Variants in KDM4A observed in about 807,000 individuals in gnomAD.
The protein encoded by KDM4A is lysine-specific demethylase 4A.
KDM4A carries 23 observed loss-of-function variants against 127.1 expected under a neutral mutation model. The observed-to-expected ratio is 0.18, with a 90% CI of 0.13 to 0.26. KDM4A has a LOEUF of 0.26. Among genes scored for constraint, KDM4A ranks in the 10% least tolerant of loss-of-function variants. The pLI, the probability that KDM4A is intolerant of heterozygous loss-of-function variation, is 1.00. For synonymous variants in KDM4A, 443 were observed against 466.5 expected, an observed-to-expected ratio of 0.95 and a Z score of 0.65; for missense variants, 890 against 1,329.1, an observed-to-expected ratio of 0.67 and a Z score of 5.14.
intron 3 of KDM4A, 28 bp from the exon 4 acceptor site, chr1:43,660,270 T>TTA: frequency 6.3e-7 from 1 of 1,596,790 alleles, no homozygotes; most frequent in Non-Finnish European, 8.5e-7. Context: ...TGTAAGTGGT[T>TTA]TACATGTTTC....
intron 4 of KDM4A, 37 bp downstream of exon 4, chr1:43,660,449 G>C: frequency 6.4e-7 from 1 of 1,554,318 alleles, no homozygotes. Flanking sequence ...CAGTGTTTTT[G>C]TAATTTTGTA....
intron 1 of KDM4A, among the ~76,000 whole-genome samples, chr1:43,652,911 T>C (rs538854812): frequency 3.7e-4 from 57 of 152,150 alleles, no homozygotes; most frequent in African/African-American, 1.4e-3. Context: ...CTCAAACTTA[T>C]GACCTCAGGC....
At chr1:43,661,759 T>C (rs1557904948) in intron 4 of KDM4A, among the ~76,000 whole-genome samples, 1 of 151,578 alleles carries the variant, frequency 6.6e-6, no homozygotes, top group Non-Finnish European at 1.5e-5. Context: ...TCAGGCATAA[T>C]AATAATACAG....
At chr1:43,652,679 C>CTTTTTTTTTTTTTTTTTTTTTT (rs771216218) in intron 1 of KDM4A, among the ~76,000 whole-genome samples, 1 of 118,768 alleles carries the variant, frequency 8.4e-6, no homozygotes, top group African/African-American at 3.1e-5. Flanking sequence ...TTCTTTCTTT[C>CTTTTTTTTTTTTTTTTTTTTTT]TTTTTTTTTT....
chr1:43,687,185 T>C (rs769422676), intron 12 of KDM4A, among the ~76,000 whole-genome samples: 44 of 152,222 alleles, frequency 2.9e-4, no homozygotes, highest in Non-Finnish European at 2.4e-4. Context: ...TTTAATTGTC[T>C]GCGTTGGTGT....
At chr1:43,675,008 G>T (rs1660709254) in intron 11 of KDM4A, among the ~76,000 whole-genome samples, 1 of 152,206 alleles carries the variant, frequency 6.6e-6, no homozygotes, top group Non-Finnish European at 1.5e-5. Context: ...TGTGCTAGGG[G>T]AAGGGGTCTT....
rs527778630 is a variant in KDM4A at position 43,652,704 on chromosome 1, G to A, written c.-39-433G>A. 1.4e-4 allele frequency among the ~76,000 whole-genome samples: 19 copies of A among 136,568 alleles called. 1 individual carries two copies. The South Asian group carries it at 2.5e-3, about 18-fold the overall frequency. The allele number at this position is 136,568 out of a possible 152,430, so 89.6% of individuals were successfully genotyped here. Reference sequence around the variant, plus strand: ...CTTTTTTTTTTTTTTTTTTTGAGACGGAGTTTCGCTCTTGTTGCCCAGTCT... The same window carrying A: ...CTTTTTTTTTTTTTTTTTTTGAGACAGAGTTTCGCTCTTGTTGCCCAGTCT... On this transcript the variant is annotated intron_variant, in intron 1 of 21. Transcript: ENST00000372396.
intron 8 of KDM4A, 125 bp downstream of exon 8, chr1:43,667,216 T>C (rs1660518526): frequency 2.0e-6 from 2 of 1,013,902 alleles, no homozygotes; most frequent in Non-Finnish European, 3.0e-6. Context: ...CAGCTAGCAA[T>C]GTGTCAGAGT....
intron 5 of KDM4A, among the ~76,000 whole-genome samples, chr1:43,663,636 T>C (rs1660435650): frequency 6.7e-6 from 1 of 149,390 alleles, no homozygotes; most frequent in South Asian, 2.1e-4. Flanking sequence ...TTTTTTTTTC[T>C]ATTTTGAGAC....
chr1:43,667,600 T>G (rs1660528178), intron 8 of KDM4A, among the ~76,000 whole-genome samples, 172 bp from the exon 9 acceptor site: 1 of 152,212 alleles, frequency 6.6e-6, no homozygotes, highest in African/African-American at 2.4e-5. Flanking sequence ...CCTGCTTCCC[T>G]TCATGTTTGA....
intron 10 of KDM4A, among the ~76,000 whole-genome samples, chr1:43,670,561 T>TC (rs1330690083): frequency 1.4e-5 from 2 of 139,928 alleles, no homozygotes. Context: ...GGCTAATTTT[T>TC]TTTTTTTTTT....
intron 2 of KDM4A, among the ~76,000 whole-genome samples, chr1:43,655,364 A>G (rs1359008440): frequency 6.6e-6 from 1 of 152,226 alleles, no homozygotes; most frequent in Non-Finnish European, 1.5e-5. Flanking sequence ...GAAGCTGGGA[A>G]CAAGTATTAC....
chr1:43,697,376 A>G (rs935161394), intron 18 of KDM4A, among the ~76,000 whole-genome samples: 1 of 152,238 alleles, frequency 6.6e-6, no homozygotes, highest in Non-Finnish European at 1.5e-5. Context: ...TGTTGTGTGT[A>G]GCTGGAGACA....
At chr1:43,673,040 A>C (rs965245998) in intron 11 of KDM4A, among the ~76,000 whole-genome samples, 3 of 152,028 alleles carry the variant, frequency 2.0e-5, no homozygotes, top group Non-Finnish European at 2.9e-5. Flanking sequence ...AAACACGAAC[A>C]TGTGTGTTCA....
At position 43,704,601 on chromosome 1, in the gene KDM4A, T is replaced by G. The variant is rs749352978; in HGVS notation, c.*231T>G. On this transcript the variant is annotated 3_prime_UTR_variant, in exon 22 of 22. Coordinates refer to ENST00000372396, the MANE Select transcript of KDM4A (RefSeq NM_014663.3). ...GTCGCTGATCTCCCAGCTGAGGGGC[T>G]GAGCACTGGAATGCTGTGGCTGCAC... 2.5e-5 allele frequency: 13 copies of G among 526,782 alleles called. No homozygotes were observed. Among genetic ancestry groups the G allele is most frequent in the Non-Finnish European group, 4.0e-5 (12 of 297,234 alleles). 32.6% of individuals were successfully genotyped at this position (526,782 alleles called of 1,614,324 possible).
intron 14 of KDM4A, 46 bp downstream of exon 14, chr1:43,691,095 G>A: frequency 4.4e-6 from 7 of 1,590,442 alleles, no homozygotes; most frequent in Non-Finnish European, 6.0e-6. Flanking sequence ...AGGAGTATGG[G>A]CCTGCTCACT....
At chr1:43,660,529 T>C in intron 4 of KDM4A, 117 bp downstream of exon 4, 2 of 1,403,810 alleles carry the variant, frequency 1.4e-6, no homozygotes. Flanking sequence ...GATGAACAGA[T>C]GATCTACCCC....
At chr1:43,689,971 T>C in intron 13 of KDM4A, among the ~76,000 whole-genome samples, 1 of 152,212 alleles carries the variant, frequency 6.6e-6, no homozygotes, top group Non-Finnish European at 1.5e-5. Context: ...GCAGATCTAC[T>C]AAGTAGGAGT....
At chr1:43,689,823 C>T in intron 13 of KDM4A, among the ~76,000 whole-genome samples, 1 of 152,188 alleles carries the variant, frequency 6.6e-6, no homozygotes, top group East Asian at 1.9e-4. Context: ...TGGCAGGGCC[C>T]CAGATTCATG....
Sources: allele counts gnomAD v4.1 joint callset (sites outside exome capture counted in the v4.1 genomes callset), GRCh38; gene constraint gnomAD v4.1.1; transcripts MANE v1.5; gene names NCBI Gene and HGNC (gene_info 2026-07-23, HGNC 2026-07-21).